Variants in MYO6 observed in about 807,000 individuals in gnomAD.
MYO6 encodes unconventional myosin-VI.
In MYO6, 74 loss-of-function variants were observed where a neutral mutation model predicts 178.7. The ratio of observed to expected loss-of-function variants is 0.41; its 90% CI spans 0.34 to 0.50. MYO6 has a LOEUF of 0.50. MYO6 is among the 20% of genes least tolerant of loss of function. MYO6 has a pLI of 0.09. For missense variants in MYO6, 1,330 were observed against 1,547.4 expected, an observed-to-expected ratio of 0.86 and a Z score of 2.36; for synonymous variants, 477 against 504.6, an observed-to-expected ratio of 0.95 and a Z score of 0.73.
intron 32 of MYO6, among the ~76,000 whole-genome samples, chr6:75,911,382 T>C (rs1158160957): frequency 3.3e-5 from 5 of 151,996 alleles, no homozygotes; most frequent in Admixed American, 3.3e-4. Context: ...ATTAGGTTTT[T>C]GTTTGGATAT....
chr6:75,845,390 T>C (rs866020911), intron 10 of MYO6, among the ~76,000 whole-genome samples: 1 of 152,176 alleles, frequency 6.6e-6, no homozygotes, highest in African/African-American at 2.4e-5. Context: ...GATTAAGCGT[T>C]CTTGGGAAGA....
intron 1 of MYO6, among the ~76,000 whole-genome samples, chr6:75,762,474 A>G (rs1438998430): frequency 1.3e-5 from 2 of 152,172 alleles, no homozygotes; most frequent in African/African-American, 4.8e-5. Context: ...TTAGAATTCT[A>G]AGCTTGCTTT....
intron 27 of MYO6, among the ~76,000 whole-genome samples, chr6:75,891,515 C>T (rs1456030714): frequency 6.6e-6 from 1 of 151,880 alleles, no homozygotes; most frequent in Non-Finnish European, 1.5e-5. Flanking sequence ...ACCTGTAGCC[C>T]CAGCTAATTG....
intron 30 of MYO6, among the ~76,000 whole-genome samples, chr6:75,907,155 C>T (rs1360009574): frequency 4.6e-5 from 7 of 152,158 alleles, no homozygotes; most frequent in East Asian, 3.9e-4. Context: ...TGTAGATTTC[C>T]GCAGTCTCTC....
At position 75,881,567 on chromosome 6, in the gene MYO6, A is replaced by G; in HGVS notation, c.2287-122A>G. ...TTGTATTCTCTGCCAAGGCCTATGT[A>G]ATTGACATGTGACCATTTTCAGACA... On this transcript the variant is annotated intron_variant, in intron 22 of 34. Transcript: ENST00000369977. The G allele has an allele frequency of 7.3e-6, 7 of 956,534 alleles. No homozygotes were observed. In the South Asian group the frequency reaches 8.2e-5, roughly 11 times the overall value. The allele number at this position is 956,534 out of a possible 1,614,324, so 59.3% of individuals were successfully genotyped here.
chr6:75,770,966 A>G (rs898193731), intron 1 of MYO6, among the ~76,000 whole-genome samples: 4 of 151,096 alleles, frequency 2.6e-5, no homozygotes, highest in African/African-American at 4.9e-5. Context: ...CCCAAGACAC[A>G]TGTGTAAGCT....
chr6:75,905,220 C>T (rs1780185659), intron 30 of MYO6, among the ~76,000 whole-genome samples: 2 of 152,250 alleles, frequency 1.3e-5, no homozygotes, highest in Admixed American at 6.5e-5. Context: ...CCTACAGAGG[C>T]AGGCAGGCCT....
intron 1 of MYO6, among the ~76,000 whole-genome samples, chr6:75,803,770 T>C (rs1415192961): frequency 6.6e-6 from 1 of 152,236 alleles, no homozygotes; most frequent in Non-Finnish European, 1.5e-5. Context: ...AACCAAGATA[T>C]TCACAATAAG....
At chr6:75,761,696 G>A (rs1245953159) in intron 1 of MYO6, among the ~76,000 whole-genome samples, 1 of 151,850 alleles carries the variant, frequency 6.6e-6, no homozygotes, top group African/African-American at 2.4e-5. Context: ...TATTAAAGGT[G>A]TGTTTCTGGA....
intron 18 of MYO6, among the ~76,000 whole-genome samples, chr6:75,867,879 AT>A (rs1256968767): frequency 6.6e-6 from 1 of 152,154 alleles, no homozygotes; most frequent in Non-Finnish European, 1.5e-5. Flanking sequence ...TAGAAAAAAA[AT>A]GTTAAAATTT....
intron 3 of MYO6, 30 bp downstream of exon 3, chr6:75,822,881 G>T (rs112098806): frequency 1.6e-5 from 25 of 1,516,546 alleles, no homozygotes; most frequent in African/African-American, 8.2e-5. Context: ...TTAACTCTCC[G>T]CACAGAAAAG....
At position 75,835,080 on chromosome 6, in the gene MYO6, T is replaced by C. The variant is rs1406395100; in HGVS notation, c.498-821T>C. 2.6e-5 allele frequency among the ~76,000 whole-genome samples: 4 copies of C among 152,298 alleles called. No homozygotes were observed. The East Asian group carries it at 7.7e-4, about 29-fold the overall frequency. Reference sequence around the variant, plus strand: ...TGTTTCATATTTCAGTGAAACAACATGAATAGTGATAACTTCCCAGTTGTT... The same window carrying C: ...TGTTTCATATTTCAGTGAAACAACACGAATAGTGATAACTTCCCAGTTGTT... On this transcript the variant is annotated intron_variant, in intron 6 of 34. Transcript: ENST00000369977.
At chr6:75,810,350 G>A (rs1443516987) in intron 1 of MYO6, among the ~76,000 whole-genome samples, 10 of 152,196 alleles carry the variant, frequency 6.6e-5, no homozygotes, top group Non-Finnish European at 1.5e-5. Flanking sequence ...ATATTGTGGA[G>A]TAAAATATTT....
At chr6:75,760,057 C>G (rs1237035802) in intron 1 of MYO6, among the ~76,000 whole-genome samples, 1 of 152,084 alleles carries the variant, frequency 6.6e-6, no homozygotes, top group Non-Finnish European at 1.5e-5. Flanking sequence ...CTTGTATTCA[C>G]CTGGAATTTT....
chr6:75,892,727 C>CT (rs760377339), intron 28 of MYO6, 37 bp downstream of exon 28: 1 of 1,608,282 alleles, frequency 6.2e-7, no homozygotes, highest in South Asian at 1.1e-5. Context: ...GCGCTCTCTC[C>CT]TTTGCTTTCT....
At chr6:75,807,629 C>T (rs1770230938) in intron 1 of MYO6, among the ~76,000 whole-genome samples, 1 of 152,060 alleles carries the variant, frequency 6.6e-6, no homozygotes, top group South Asian at 2.1e-4. Context: ...GAATTTCAGA[C>T]GAGTCCATAA....
intron 11 of MYO6, among the ~76,000 whole-genome samples, chr6:75,853,914 G>A (rs7742567): frequency 0.38 from 57,138 of 151,956 alleles, 12,089 homozygotes; most frequent in Middle Eastern, 0.53. Context: ...AATCTAAATA[G>A]CAACCATGTA....
At chr6:75,776,418 C>A (rs2150036698) in intron 1 of MYO6, among the ~76,000 whole-genome samples, 1 of 151,992 alleles carries the variant, frequency 6.6e-6, no homozygotes, top group East Asian at 1.9e-4. Context: ...GGGTTAAAGC[C>A]CCATAAATCT....
chr6:75,885,262 G>A (rs2149355213), intron 23 of MYO6, among the ~76,000 whole-genome samples: 1 of 152,262 alleles, frequency 6.6e-6, no homozygotes, highest in African/African-American at 2.4e-5. Flanking sequence ...GGCTGGGCGT[G>A]GTGGCTCACG....
Sources: gnomAD v4.1 joint callset for allele counts (sites outside exome capture counted in the v4.1 genomes callset) on GRCh38, gnomAD v4.1.1 for gene constraint, MANE v1.5 for transcripts, NCBI Gene and HGNC (gene_info 2026-07-23, HGNC 2026-07-21) for gene names.